DYNC2H1: variants seen among roughly 807,000 people sequenced by gnomAD.
DYNC2H1 encodes the protein cytoplasmic dynein 2 heavy chain 1.
A neutral mutation model predicts 570.0 loss-of-function variants in DYNC2H1; 410 were observed. That is an observed-to-expected ratio of 0.72 (90% confidence interval 0.66 to 0.78). DYNC2H1 has a LOEUF of 0.78. DYNC2H1 is among the 30% of genes least tolerant of loss of function. The pLI is 0.00. For synonymous variants in DYNC2H1, 1,688 were observed against 1,677.6 expected (o/e 1.01, Z -0.15); for missense variants, 4,865 against 5,046.4 (o/e 0.96, Z 1.09).
At chr11:103,442,956 T>G (rs1026772980) in intron 85 of DYNC2H1, among the ~76,000 whole-genome samples, 2 of 142,566 alleles carry the variant, frequency 1.4e-5, no homozygotes, top group African/African-American at 5.2e-5. Context: ...ATGCTTCCCT[T>G]GATTTATGAG....
At position 103,249,218 on chromosome 11, in the gene DYNC2H1, T is replaced by C. The variant is rs551801781; in HGVS notation, c.10042+3844T>C. 2.2e-4 allele frequency among the ~76,000 whole-genome samples: 34 copies of C among 152,138 alleles called. No homozygotes were observed. The highest frequency in any genetic ancestry group is 7.9e-4 in the African/African-American group (33 of 41,560). ...TTTTTTAGACAATAAAATATTTATTTTAAAATATTTTCAAAAATGTTTTAT... is the reference window on the plus strand; with the variant it reads ...TTTTTTAGACAATAAAATATTTATTCTAAAATATTTTCAAAAATGTTTTAT... On this transcript the variant is annotated intron_variant, in intron 65 of 88. Coordinates refer to ENST00000375735, the MANE Select transcript of DYNC2H1 (RefSeq NM_001377.3). The surrounding 1 kb of genome is among the most constrained non-coding windows in gnomAD (Gnocchi z 4.6).
chr11:103,469,895 GT>G (rs1565627500), intron 88 of DYNC2H1, among the ~76,000 whole-genome samples: 1 of 152,120 alleles, frequency 6.6e-6, no homozygotes, highest in African/African-American at 2.4e-5. Flanking sequence ...AATTTGTCAA[GT>G]GTTGTGAATA....
rs899417569 is a variant in DYNC2H1, at chr11:103,289,172, C to T, written c.11095+1567C>T. Among the ~76,000 whole-genome samples, 3 of 152,160 alleles carry T rather than the reference C, an allele frequency of 2.0e-5. No homozygotes were observed. ...TCCAATGTGACCAATCAGCACTCCC[C>T]ACTTCCTAAGCCCCTACTCACCAAA... On this transcript the variant is annotated intron_variant, in intron 75 of 88. Transcript: ENST00000375735. This position sits in a 1 kb window ranked among gnomAD's most constrained non-coding sequence, Gnocchi z 4.2.
chr11:103,415,895 A>C lies in DYNC2H1; in HGVS notation c.12366+16023A>C, dbSNP rs374583633. On this transcript the variant is annotated intron_variant, in intron 84 of 88. Transcript: ENST00000375735. ...ATTCACAATAGTAAAGACTTGGAACAAACCCAAATGTCTATCAATGATAGA... is the reference window on the plus strand; with the variant it reads ...ATTCACAATAGTAAAGACTTGGAACCAACCCAAATGTCTATCAATGATAGA... Among the ~76,000 whole-genome samples, 3 of 152,334 alleles carry C rather than the reference A, an allele frequency of 2.0e-5. No homozygotes were observed. The East Asian group carries it at 5.8e-4, about 29-fold the overall frequency.
At chr11:103,409,926 A>G (rs1943013241) in intron 84 of DYNC2H1, among the ~76,000 whole-genome samples, 1 of 152,046 alleles carries the variant, frequency 6.6e-6, no homozygotes, top group South Asian at 2.1e-4. Context: ...TTATGGTACT[A>G]TGTCTATTGT....
In DYNC2H1 at chr11:103,436,114, G is replaced by C. The variant is rs973518342; in HGVS notation, c.12456+82G>C. On this transcript the variant is annotated intron_variant, in intron 85 of 88. Coordinates refer to ENST00000375735, the MANE Select transcript of DYNC2H1 (RefSeq NM_001377.3). ...GAGATAACCATTGTGCTAATCACTA[G>C]TGAGAATTACACTATGATTTTGCAC... 10 of 1,185,390 alleles carry C rather than the reference G, an allele frequency of 8.4e-6. No individual in the cohort carries two copies. In the East Asian group the frequency reaches 2.5e-4, roughly 29 times the overall value. 73.4% of individuals were successfully genotyped at this position (1,185,390 alleles called of 1,614,324 possible).
At chr11:103,216,704 A>AT (rs1288150826) in intron 55 of DYNC2H1, among the ~76,000 whole-genome samples, 1 of 151,824 alleles carries the variant, frequency 6.6e-6, no homozygotes, top group Non-Finnish European at 1.5e-5. Context: ...AGGTAGGAGG[A>AT]TTGCTTGAGT....
At chr11:103,424,567 A>C (rs1187689147) in intron 84 of DYNC2H1, among the ~76,000 whole-genome samples, 2 of 152,184 alleles carry the variant, frequency 1.3e-5, no homozygotes, top group African/African-American at 4.8e-5. Flanking sequence ...CTCAACATTC[A>C]AGAGGTGAAA....
At position 103,293,950 on chromosome 11, in the gene DYNC2H1, G is replaced by A. The variant is rs553712635; in HGVS notation, c.11095+6345G>A. Among the ~76,000 whole-genome samples, 282 of 152,068 alleles carry A rather than the reference G, an allele frequency of 1.9e-3. 1 individual carries two copies. The highest frequency in any genetic ancestry group is 6.1e-3 in the African/African-American group (255 of 41,514). ...AAATTAGCCAGGCATGGTGGCAGGC[G>A]CCTCTAATCCCAGCTACTTGGGAGG... On this transcript the variant is annotated intron_variant, in intron 75 of 88. Coordinates refer to ENST00000375735, the MANE Select transcript of DYNC2H1 (RefSeq NM_001377.3).
In DYNC2H1 at chr11:103,261,038, G is replaced by A. The variant is rs371375700; in HGVS notation, c.10695+1061G>A. On this transcript the variant is annotated intron_variant, in intron 70 of 88. Coordinates refer to ENST00000375735, the MANE Select transcript of DYNC2H1 (RefSeq NM_001377.3). The surrounding 1 kb of genome is among the most constrained non-coding windows in gnomAD (Gnocchi z 4.8). ...AGAATTATTATGGTTCAATTATATA[G>A]GCTTCTTAGAAAGTGTTGAAAAATA... Among the ~76,000 whole-genome samples, 5 of 152,078 alleles carry A rather than the reference G, an allele frequency of 3.3e-5. No individual in the cohort carries two copies. In the East Asian group the frequency reaches 9.7e-4, roughly 29 times the overall value.
chr11:103,318,403 T>C (rs1937983217), intron 80 of DYNC2H1, among the ~76,000 whole-genome samples: 1 of 152,186 alleles, frequency 6.6e-6, no homozygotes, highest in Admixed American at 6.5e-5. Context: ...ACATACAGCA[T>C]ATATGCTCTA....
chr11:103,303,016 A>G (rs932134799), intron 75 of DYNC2H1, 77 bp from the exon 76 acceptor site: 4 of 1,061,222 alleles, frequency 3.8e-6, no homozygotes, highest in African/African-American at 3.2e-5. Context: ...TCTATTATAT[A>G]TCATATAATT....
chr11:103,409,123 G>C (rs1417990639), intron 84 of DYNC2H1, among the ~76,000 whole-genome samples: 1 of 152,038 alleles, frequency 6.6e-6, no homozygotes, highest in South Asian at 2.1e-4. Flanking sequence ...GGTAATGCTA[G>C]AGGTGGTGTT....
chr11:103,137,579 G>T (rs1232494912), intron 17 of DYNC2H1, among the ~76,000 whole-genome samples: 2 of 152,120 alleles, frequency 1.3e-5, no homozygotes, highest in Admixed American at 1.3e-4. Flanking sequence ...CTGTTCCATT[G>T]ATCTATATCT....
Position 103,253,462 on chromosome 11 carries a change from A to G in DYNC2H1, c.10206+14A>G. 1.3e-6 allele frequency: 2 copies of G among 1,584,582 alleles called. No individual in the cohort carries two copies. The highest frequency in any genetic ancestry group is 1.7e-6 in the Non-Finnish European group (2 of 1,162,786). ...TTACGAGGGCAGGTATACATAGATA[A>G]TAATAATTTACCTTGGAATCTTTTC... is the stretch of plus-strand genomic sequence containing the variant. On this transcript the variant is annotated intron_variant, in intron 66 of 88. Transcript: ENST00000375735.
At chr11:103,349,601 G>C (rs2671352) in intron 82 of DYNC2H1, among the ~76,000 whole-genome samples, 72,926 of 151,932 alleles carry the variant, frequency 0.48, 19,382 homozygotes, top group Admixed American at 0.59. Flanking sequence ...GCCTAGTACT[G>C]CAAATAATAT....
At chr11:103,455,141 T>G in intron 85 of DYNC2H1, 45 bp from the exon 86 acceptor site, 1 of 1,436,764 alleles carries the variant, frequency 7.0e-7, no homozygotes, top group Non-Finnish European at 9.7e-7. Context: ...TTAATTGACT[T>G]ATAAGTGTGT....
intron 59 of DYNC2H1, among the ~76,000 whole-genome samples, chr11:103,226,737 G>A (rs1863815270): frequency 1.3e-5 from 2 of 152,138 alleles, no homozygotes; most frequent in South Asian, 2.1e-4. Flanking sequence ...GATTGATTTA[G>A]GGAGGATTCC....
At chr11:103,257,568 G>T (rs934339427) in intron 68 of DYNC2H1, 40 bp from the exon 69 acceptor site, 1 of 1,561,348 alleles carries the variant, frequency 6.4e-7, no homozygotes, top group Non-Finnish European at 8.7e-7. Flanking sequence ...TAATTCTAAG[G>T]TGTTTCCACC....
Sources: allele counts gnomAD v4.1 joint callset (sites outside exome capture counted in the v4.1 genomes callset), GRCh38; gene constraint gnomAD v4.1.1; non-coding constraint Gnocchi (gnomAD v3.1); transcripts MANE v1.5; gene names NCBI Gene and HGNC (gene_info 2026-07-23, HGNC 2026-07-21).